DLGAP3: variants seen among roughly 807,000 people sequenced by gnomAD.
DLGAP3 encodes the protein DLG associated protein 3.
Under a neutral mutation model 81.2 loss-of-function variants are expected in DLGAP3, and 17 were observed. The ratio of observed to expected loss-of-function variants is 0.21; its 90% CI spans 0.14 to 0.31. DLGAP3 has a LOEUF of 0.31. DLGAP3 is among the 10% of genes least tolerant of loss of function. The probability of loss-of-function intolerance (pLI) is 1.00; values close to 1 mark genes in which losing one functional copy is unlikely to be tolerated. For synonymous variants in DLGAP3, 577 were observed against 587.4 expected, an observed-to-expected ratio of 0.98 and a Z score of 0.26; for missense variants, 1,124 against 1,388.0, an observed-to-expected ratio of 0.81 and a Z score of 3.02.
At chr1:34,907,218 T>C (rs1043957164) in intron 2 of DLGAP3, 137 bp downstream of exon 2, 2 of 152,700 alleles carry the variant, frequency 1.3e-5, no homozygotes, top group Non-Finnish European at 2.9e-5. Flanking sequence ...CACTTACCCA[T>C]GAGAAAATTG....
At position 34,900,251 on chromosome 1, in the gene DLGAP3, C is replaced by T. The variant is rs370363181; in HGVS notation, c.1130G>A (p.Gly377Asp). 4 of 1,613,142 alleles carry T rather than the reference C, an allele frequency of 2.5e-6. No individual in the cohort carries two copies. In the African/African-American group the frequency reaches 5.3e-5, roughly 22 times the overall value. Residue 377 changes from glycine (G) to aspartate (D), a missense_variant, in exon 4 of 12, where the codon GGT (glycine) becomes GAT (aspartate). Coordinates refer to ENST00000373347, the MANE Select transcript of DLGAP3 (RefSeq NM_001080418.3). The surrounding 1 kb of genome is among the most constrained non-coding windows in gnomAD (Gnocchi z 5.6). ...CCCATCCTTGCCACCGGTGGGGTAA[C>T]CCCCCCAGTCATCTTGCGGCACCTG... ...YLQVPQDDWG[G>D]YPTGGKDGEI... is the part of the protein sequence containing the mutation.
chr1:34,902,392 T>A lies in DLGAP3; in HGVS notation c.1107+1885A>T, dbSNP rs1489833964. On this transcript the variant is annotated intron_variant, in intron 3 of 11. Coordinates refer to ENST00000373347, the MANE Select transcript of DLGAP3 (RefSeq NM_001080418.3). The surrounding 1 kb of genome is among the most constrained non-coding windows in gnomAD (Gnocchi z 4.4). ...TGGGAAACAAAGAGATGAGGCTCCA[T>A]AAAGAAACAGGGGCTCAGAGTGGAC... is the stretch of plus-strand genomic sequence containing the variant. Among the ~76,000 whole-genome samples the A allele has an allele frequency of 1.3e-5, 2 of 151,988 alleles. No homozygotes were observed. The highest frequency in any genetic ancestry group is 2.9e-5 in the Non-Finnish European group (2 of 67,958).
rs114758770 is a variant in DLGAP3, at chr1:34,927,875, G to A, written c.-135+1576C>T. Among the ~76,000 whole-genome samples, 1,167 of 152,296 alleles carry A rather than the reference G, an allele frequency of 7.7e-3. 11 individuals carry two copies. The highest frequency in any genetic ancestry group is 0.014 in the Middle Eastern group (4 of 294). ...TTTGGGTCACTGAAAGACCTGGGCT[G>A]AGGTCTTTCTGTACCACTAACTAGC... On this transcript the variant is annotated intron_variant, in intron 1 of 11. Transcript: ENST00000373347.
At chr1:34,880,875 T>C (rs1639134137) in intron 8 of DLGAP3, among the ~76,000 whole-genome samples, 1 of 152,106 alleles carries the variant, frequency 6.6e-6, no homozygotes, top group Non-Finnish European at 1.5e-5. Context: ...AAAACCAGAA[T>C]AGGTCAATAA....
At chr1:34,872,046 A>G (rs1638988771) in intron 8 of DLGAP3, among the ~76,000 whole-genome samples, 1 of 152,138 alleles carries the variant, frequency 6.6e-6, no homozygotes, top group South Asian at 2.1e-4. Flanking sequence ...GGACAAGCTC[A>G]CCCAAGAAAA....
intron 8 of DLGAP3, among the ~76,000 whole-genome samples, chr1:34,872,538 C>T (rs1638996157): frequency 6.6e-6 from 1 of 152,198 alleles, no homozygotes; most frequent in Admixed American, 6.5e-5. Flanking sequence ...GAATCCACAT[C>T]CTCATCCCCA....
Position 34,865,913 on chromosome 1 carries a change from G to A in DLGAP3, c.*170C>T, listed in dbSNP as rs1353403646. On this transcript the variant is annotated 3_prime_UTR_variant, in exon 12 of 12. Coordinates refer to ENST00000373347, the MANE Select transcript of DLGAP3 (RefSeq NM_001080418.3). The stretch of plus-strand genomic sequence containing the variant: ...GCCCAGCCCGGGCGCCTTCGCGTGG[G>A]ATCAGGAAGGTAAAAAACCCACGAG... The A allele has an allele frequency of 1.3e-5, 9 of 709,600 alleles. No homozygotes were observed. Among genetic ancestry groups the A allele is most frequent in the African/African-American group, 3.6e-5 (2 of 55,642 alleles). 44.0% of individuals were successfully genotyped at this position (709,600 alleles called of 1,614,324 possible). A position where few individuals can be genotyped will look rare whatever the true frequency, so the allele number is the denominator to read the frequency against.
At chr1:34,905,500 T>C (rs1639537157) in intron 2 of DLGAP3, 66 bp from the exon 3 acceptor site, 2 of 1,112,006 alleles carry the variant, frequency 1.8e-6, no homozygotes, top group East Asian at 2.6e-5. Context: ...CATCTTTTAT[T>C]AGGCATCCTT....
rs572346576 is a variant in DLGAP3 at position 34,867,868 on chromosome 1, C to T, written c.2486-241G>A. 3.9e-5 allele frequency among the ~76,000 whole-genome samples: 6 copies of T among 152,228 alleles called. No individual in the cohort carries two copies. The highest frequency in any genetic ancestry group is 6.5e-5 in the Admixed American group (1 of 15,284). On this transcript the variant is annotated intron_variant, in intron 9 of 11. Transcript: ENST00000373347. This position sits in a 1 kb window ranked among gnomAD's most constrained non-coding sequence, Gnocchi z 4.3. ...ATACAGCCTACATTTCTTGAGTGCT[C>T]ATCCTTCTTTATCCTTTCTCCCTCC...
In DLGAP3 at chr1:34,886,133, T is replaced by A; in HGVS notation, c.1539A>T (p.Gln513His). Residue 513 changes from glutamine (Q) to histidine (H), a missense_variant, in exon 6 of 12, where the codon CAA (glutamine) becomes CAT (histidine). Gln to His is a conservative substitution (Grantham distance 24). This residue lies in a region of DLGAP3 where 11 missense variants were observed against 35.2 expected (regional missense o/e 0.31). Coordinates refer to ENST00000373347, the MANE Select transcript of DLGAP3 (RefSeq NM_001080418.3). Reference protein sequence around the residue: ...YLRAIQAGCSQDDDCLPLLAT... With the variant: ...YLRAIQAGCSHDDDCLPLLAT... ...CGAGGAGGGGCAGGCAGTCGTCGTC[T>A]TGAGAGCAGCCGGCCTGGATGGCCC... 3 of 1,608,304 alleles carry A rather than the reference T, an allele frequency of 1.9e-6. No homozygotes were observed.
intron 5 of DLGAP3, among the ~76,000 whole-genome samples, chr1:34,893,200 CAATG>C (rs1639341570): frequency 8.8e-6 from 1 of 113,930 alleles, no homozygotes; most frequent in African/African-American, 3.1e-5. Flanking sequence ...AAAAAAAAAA[CAATG>C]AACACCAGAA....
At chr1:34,888,285 C>A (rs546769699) in intron 5 of DLGAP3, among the ~76,000 whole-genome samples, 3 of 152,334 alleles carry the variant, frequency 2.0e-5, no homozygotes, top group Admixed American at 2.0e-4. Context: ...AGAGCCATTT[C>A]TATTCCAATC....
At chr1:34,874,673 G>A (rs1639023486) in intron 8 of DLGAP3, among the ~76,000 whole-genome samples, 1 of 152,162 alleles carries the variant, frequency 6.6e-6, no homozygotes. Flanking sequence ...CTACTTCAGG[G>A]AGAGTTTCTA....
chr1:34,890,368 C>G (rs148649387), intron 5 of DLGAP3, among the ~76,000 whole-genome samples: 163 of 152,310 alleles, frequency 1.1e-3, no homozygotes, highest in African/African-American at 3.6e-3. Context: ...GGGAGACAGC[C>G]TCTGAAATAG....
At chr1:34,888,224 A>G (rs1380350600) in intron 5 of DLGAP3, among the ~76,000 whole-genome samples, 2 of 152,244 alleles carry the variant, frequency 1.3e-5, no homozygotes, top group Admixed American at 1.3e-4. Context: ...CAGTGTTTCC[A>G]TAATTCAGCC....
intron 1 of DLGAP3, among the ~76,000 whole-genome samples, chr1:34,926,714 C>T (rs908089917): frequency 6.6e-6 from 1 of 152,118 alleles, no homozygotes; most frequent in Non-Finnish European, 1.5e-5. Context: ...ATACGGGGCC[C>T]CTTGCTGAAT....
intron 1 of DLGAP3, chr1:34,925,597 T>A (rs1639861492): frequency 6.6e-6 from 1 of 152,216 alleles, no homozygotes; most frequent in Non-Finnish European, 1.5e-5. Flanking sequence ...GGCGAGGGAA[T>A]CCTTTTTAAT....
intron 1 of DLGAP3, among the ~76,000 whole-genome samples, chr1:34,922,979 T>C (rs1215783661): frequency 1.3e-5 from 2 of 151,616 alleles, no homozygotes; most frequent in Admixed American, 6.6e-5. Context: ...AAAAGGGCCC[T>C]GTCATGTCCT....
chr1:34,894,715 A>G (rs1329612786), intron 5 of DLGAP3, among the ~76,000 whole-genome samples: 1 of 152,256 alleles, frequency 6.6e-6, no homozygotes, highest in Non-Finnish European at 1.5e-5. Context: ...TTCACTGAAA[A>G]AATTACTAAA....
Sources: allele counts gnomAD v4.1 joint callset (sites outside exome capture counted in the v4.1 genomes callset), GRCh38; gene constraint gnomAD v4.1.1; regional missense constraint gnomAD v4.1.1; non-coding constraint Gnocchi (gnomAD v3.1); transcripts MANE v1.5; gene names NCBI Gene and HGNC (gene_info 2026-07-23, HGNC 2026-07-21).